The following CARMIL1 variants were observed in gnomAD, a reference collection of about 807,000 sequenced individuals.
CARMIL1 encodes the protein F-actin-uncapping protein LRRC16A.
Under a neutral mutation model 177.1 loss-of-function variants are expected in CARMIL1, and 90 were observed. That is an observed-to-expected ratio of 0.51 (90% confidence interval 0.43 to 0.61). The LOEUF (loss-of-function observed/expected upper bound fraction) is 0.61. Ranked by LOEUF, CARMIL1 falls within the 20% of genes least tolerant of loss-of-function variation. CARMIL1 has a pLI of 0.00. For synonymous variants in CARMIL1, 577 were observed against 606.2 expected (o/e 0.95, Z 0.71); for missense variants, 1,380 against 1,667.0 (o/e 0.83, Z 3.00).
At chr6:25,406,755 AT>A (rs1794410876) in intron 2 of CARMIL1, among the ~76,000 whole-genome samples, 1 of 152,220 alleles carries the variant, frequency 6.6e-6, no homozygotes, top group East Asian at 1.9e-4. Context: ...GGAAGGGCAG[AT>A]TTTGAAAGAA....
At chr6:25,289,169 A>G (rs1781749220) in intron 2 of CARMIL1, among the ~76,000 whole-genome samples, 1 of 152,114 alleles carries the variant, frequency 6.6e-6, no homozygotes, top group South Asian at 2.1e-4. Flanking sequence ...TGTTTTTTAA[A>G]ATCTACATTG....
chr6:25,553,915 C>A, intron 27 of CARMIL1, 94 bp from the exon 28 acceptor site: 1 of 748,358 alleles, frequency 1.3e-6, no homozygotes, highest in Non-Finnish European at 2.3e-6. Context: ...GAAATGGAAT[C>A]ACAGTTGACC....
intron 5 of CARMIL1, among the ~76,000 whole-genome samples, chr6:25,438,325 G>A (rs1797408394): frequency 6.6e-6 from 1 of 152,144 alleles, no homozygotes; most frequent in African/African-American, 2.4e-5. Flanking sequence ...AAGTGTTGAG[G>A]TCCAGCAGTG....
chr6:25,507,764 G>A (rs1295072878), intron 17 of CARMIL1, among the ~76,000 whole-genome samples: 1 of 151,580 alleles, frequency 6.6e-6, no homozygotes, highest in Admixed American at 6.6e-5. Flanking sequence ...AAGACTTAAC[G>A]CATTTACGTT....
chr6:25,496,472 C>CA (rs34420791), intron 16 of CARMIL1, among the ~76,000 whole-genome samples: 65,575 of 101,276 alleles, frequency 0.65, 19,599 homozygotes, highest in Non-Finnish European at 0.7. Flanking sequence ...GACTCCATCT[C>CA]AAAAAAAAAA....
intron 31 of CARMIL1, among the ~76,000 whole-genome samples, chr6:25,582,296 G>C (rs1813192936): frequency 6.6e-6 from 1 of 152,096 alleles, no homozygotes; most frequent in Admixed American, 6.5e-5. Context: ...GTTGATCTCT[G>C]AGTCATCACA....
At chr6:25,571,797 A>T (rs1369963347) in intron 29 of CARMIL1, among the ~76,000 whole-genome samples, 1 of 152,192 alleles carries the variant, frequency 6.6e-6, no homozygotes, top group Non-Finnish European at 1.5e-5. Flanking sequence ...CCATCAGACA[A>T]ATATAGCATG....
chr6:25,510,832 G>A (rs1805388416), intron 20 of CARMIL1, 70 bp downstream of exon 20: 4 of 857,760 alleles, frequency 4.7e-6, no homozygotes, highest in African/African-American at 1.7e-5. Flanking sequence ...ATTTCTACTG[G>A]ATTAATGCTG....
chr6:25,617,741 T>C (rs375312093), intron 36 of CARMIL1, among the ~76,000 whole-genome samples: 1 of 152,322 alleles, frequency 6.6e-6, no homozygotes, highest in East Asian at 1.9e-4. Context: ...GGTTTTGTGA[T>C]AAAGAGCAAA....
intron 32 of CARMIL1, among the ~76,000 whole-genome samples, chr6:25,598,681 A>G (rs972581963): frequency 4.6e-5 from 7 of 152,036 alleles, no homozygotes; most frequent in East Asian, 1.9e-4. Context: ...TACTTCTGCT[A>G]TCACATTTTG....
intron 6 of CARMIL1, 120 bp downstream of exon 6, chr6:25,450,115 C>T: frequency 1.2e-6 from 1 of 861,306 alleles, no homozygotes; most frequent in Non-Finnish European, 1.8e-6. Context: ...GTGTAATTAG[C>T]AGCGCACAGA....
At chr6:25,575,583 G>T (rs1812510103) in intron 29 of CARMIL1, among the ~76,000 whole-genome samples, 1 of 152,166 alleles carries the variant, frequency 6.6e-6, no homozygotes, top group South Asian at 2.1e-4. Context: ...CAGGGCAGGA[G>T]TCTTTGTTTT....
chr6:25,563,668 A>G (rs1410501485), intron 29 of CARMIL1: 7 of 985,194 alleles, frequency 7.1e-6, no homozygotes, highest in Non-Finnish European at 8.4e-6. Flanking sequence ...TTGTCCATCC[A>G]TCATATACCA....
At chr6:25,497,233 G>T (rs1156833754) in intron 16 of CARMIL1, among the ~76,000 whole-genome samples, 1 of 152,152 alleles carries the variant, frequency 6.6e-6, no homozygotes, top group Non-Finnish European at 1.5e-5. Flanking sequence ...AAAGGAATTT[G>T]CACAGTACTA....
chr6:25,466,998 C>T (rs1317914537), intron 9 of CARMIL1, among the ~76,000 whole-genome samples: 2 of 152,160 alleles, frequency 1.3e-5, no homozygotes, highest in East Asian at 3.8e-4. Flanking sequence ...TAGTTGGAAC[C>T]ATTTCTTATT....
intron 2 of CARMIL1, among the ~76,000 whole-genome samples, chr6:25,300,490 A>G (rs115766498): frequency 0.024 from 3,593 of 152,232 alleles, 60 homozygotes; most frequent in Non-Finnish European, 0.038. Flanking sequence ...AACATGGCAA[A>G]CTCCTGTCTC....
chr6:25,574,628 C>T (rs1562299830), intron 29 of CARMIL1, among the ~76,000 whole-genome samples: 1 of 152,188 alleles, frequency 6.6e-6, no homozygotes, highest in Non-Finnish European at 1.5e-5. Context: ...TTCAAACATA[C>T]GTGTATTCAT....
At chr6:25,606,718 G>C (rs1816007022) in intron 35 of CARMIL1, among the ~76,000 whole-genome samples, 1 of 152,150 alleles carries the variant, frequency 6.6e-6, no homozygotes, top group African/African-American at 2.4e-5. Flanking sequence ...TATAACAAGG[G>C]TTTAGAACAA....
At chr6:25,283,479 A>T (rs1281853126) in intron 1 of CARMIL1, among the ~76,000 whole-genome samples, 1 of 152,214 alleles carries the variant, frequency 6.6e-6, no homozygotes, top group Non-Finnish European at 1.5e-5. Flanking sequence ...AGCATTTTCC[A>T]GCAACATTAG....
Sources: allele counts gnomAD v4.1 joint callset (sites outside exome capture counted in the v4.1 genomes callset), GRCh38; gene constraint gnomAD v4.1.1; transcripts MANE v1.5; gene names NCBI Gene and HGNC (gene_info 2026-07-23, HGNC 2026-07-21).